Variants in CPED1 observed in about 807,000 individuals in gnomAD.
The protein encoded by CPED1 is cadherin like and PC-esterase domain containing 1.
Under a neutral mutation model 128.2 loss-of-function variants are expected in CPED1, and 114 were observed. The ratio of observed to expected loss-of-function variants is 0.89; its 90% CI spans 0.76 to 1.04. The LOEUF (loss-of-function observed/expected upper bound fraction) is 1.04. Ranked by LOEUF, CPED1 falls within the 50% of genes least tolerant of loss-of-function variation. The pLI, the probability that CPED1 is intolerant of heterozygous loss-of-function variation, is 0.00. For synonymous variants in CPED1, 462 were observed against 426.7 expected, an observed-to-expected ratio of 1.08 and a Z score of -1.02; for missense variants, 1,211 against 1,207.1, an observed-to-expected ratio of 1.00 and a Z score of -0.05.
At chr7:121,132,489 G>A (rs17283473) in intron 12 of CPED1, among the ~76,000 whole-genome samples, 65,137 of 151,896 alleles carry the variant, frequency 0.43, 15,488 homozygotes, top group East Asian at 0.84. Flanking sequence ...TAGCAACGAG[G>A]TGAGAAAGTC....
chr7:121,254,798 A>G (rs981279577), intron 18 of CPED1, among the ~76,000 whole-genome samples: 1 of 152,052 alleles, frequency 6.6e-6, no homozygotes, highest in African/African-American at 2.4e-5. Context: ...AAATTAGAAA[A>G]TCTAGAGGAA....
chr7:121,182,346 AAAG>A (rs1796917293), intron 16 of CPED1, among the ~76,000 whole-genome samples: 1 of 152,042 alleles, frequency 6.6e-6, no homozygotes, highest in Admixed American at 6.6e-5. Flanking sequence ...TAGCAAAATT[AAAG>A]AAGTTCACTT....
At chr7:121,275,796 T>C (rs1231984677) in intron 22 of CPED1, among the ~76,000 whole-genome samples, 1 of 151,958 alleles carries the variant, frequency 6.6e-6, no homozygotes, top group Non-Finnish European at 1.5e-5. Context: ...AACCCTATAA[T>C]CTTTATTATA....
chr7:121,117,351 T>C (rs1795276683), intron 7 of CPED1, among the ~76,000 whole-genome samples: 1 of 151,942 alleles, frequency 6.6e-6, no homozygotes, highest in African/African-American at 2.4e-5. Context: ...TCCACCTGCC[T>C]CGGCCTCCCA....
rs1157885862 is a variant in CPED1, at chr7:121,074,509, G to GT, written c.616+10214dup. Among the ~76,000 whole-genome samples, 702 of 80,830 alleles carry GT rather than the reference G, an allele frequency of 8.7e-3. 32 individuals are homozygous for GT. Among genetic ancestry groups the GT allele is most frequent in the African/African-American group, 0.029 (645 of 22,014 alleles). 53.0% of individuals were successfully genotyped at this position (80,830 alleles called of 152,430 possible). A position where few individuals can be genotyped will look rare whatever the true frequency, so the allele number is the denominator to read the frequency against. ...TTCCTTACTAATAAATTTCCTTTGT[G>GT]TTTTTTTTTTTTTTTTTTGAGGGCA... is the stretch of plus-strand genomic sequence containing the variant. On this transcript the variant is annotated intron_variant, in intron 5 of 22. Transcript: ENST00000310396.
chr7:121,245,363 T>C (rs1452202870), intron 18 of CPED1, among the ~76,000 whole-genome samples: 3 of 152,132 alleles, frequency 2.0e-5, no homozygotes, highest in African/African-American at 7.2e-5. Context: ...TAGGAACTTA[T>C]GTTGCAGTGT....
intron 4 of CPED1, among the ~76,000 whole-genome samples, chr7:121,047,542 C>A (rs1213524303): frequency 2.0e-5 from 3 of 151,960 alleles, no homozygotes; most frequent in Non-Finnish European, 4.4e-5. Flanking sequence ...CGAATCTGTA[C>A]GAAAAGTGAC....
intron 16 of CPED1, among the ~76,000 whole-genome samples, chr7:121,233,428 A>T (rs1041284937): frequency 6.6e-6 from 1 of 152,118 alleles, no homozygotes; most frequent in African/African-American, 2.4e-5. Flanking sequence ...ATATGCCTAC[A>T]GTCCCAGCTA....
intron 18 of CPED1, among the ~76,000 whole-genome samples, chr7:121,259,583 T>C (rs886187970): frequency 2.6e-5 from 4 of 152,070 alleles, no homozygotes; most frequent in African/African-American, 9.7e-5. Flanking sequence ...TACCTACCTC[T>C]TTATAAATGC....
At position 121,210,638 on chromosome 7, in the gene CPED1, A is replaced by G. The variant is rs1320263527; in HGVS notation, c.2056-26076A>G. ...TGAACTCATGGAGATAGAGAGTAGAATAATGGTTACCAGAGGCTGGGAAGG... is the reference window on the plus strand; with the variant it reads ...TGAACTCATGGAGATAGAGAGTAGAGTAATGGTTACCAGAGGCTGGGAAGG... On this transcript the variant is annotated intron_variant, in intron 16 of 22. Coordinates refer to ENST00000310396, the MANE Select transcript of CPED1 (RefSeq NM_024913.5). 4.6e-5 allele frequency among the ~76,000 whole-genome samples: 7 copies of G among 152,162 alleles called. No individual in the cohort carries two copies. In the East Asian group the frequency reaches 1.2e-3, roughly 25 times the overall value.
chr7:121,142,025 G>T lies in CPED1; in HGVS notation c.1939G>T (p.Val647Leu). 1 of 1,612,684 alleles carries T rather than the reference G, an allele frequency of 6.2e-7. No individual in the cohort carries two copies. Among genetic ancestry groups the T allele is most frequent in the Non-Finnish European group, 8.5e-7 (1 of 1,179,038 alleles). The change falls in exon 16 of 23, where the codon GTG (valine) becomes TTG (leucine). Residue 647 changes from valine to leucine, a missense_variant. Transcript: ENST00000310396. ...LGMNKISIFVVDESPAHGETL... is the reference protein window; with the variant it reads ...LGMNKISIFVLDESPAHGETL... ...AATGAACAAAATCTCAATATTTGTTGTGGATGAATCTCCAGCACACGGTGA... is the reference window on the plus strand; with the variant it reads ...AATGAACAAAATCTCAATATTTGTTTTGGATGAATCTCCAGCACACGGTGA...
Position 121,121,654 on chromosome 7 carries a change from A to G in CPED1, c.919-2677A>G, listed in dbSNP as rs115263877. On this transcript the variant is annotated intron_variant, in intron 7 of 22. Coordinates refer to ENST00000310396, the MANE Select transcript of CPED1 (RefSeq NM_024913.5). ...GGAAGTGTTGATAAGGAGAGGAAGA[A>G]GTCTCCTTAATATTTGAGTTAATGG... 9.5e-3 allele frequency among the ~76,000 whole-genome samples: 1,453 copies of G among 152,340 alleles called. 23 individuals are homozygous for G. The highest frequency in any genetic ancestry group is 0.033 in the African/African-American group (1,356 of 41,576).
chr7:121,111,337 C>A (rs1185555797), intron 7 of CPED1, among the ~76,000 whole-genome samples: 1 of 152,190 alleles, frequency 6.6e-6, no homozygotes, highest in Non-Finnish European at 1.5e-5. Flanking sequence ...CCTACCACTT[C>A]TAAATGAATA....
At chr7:121,278,663 A>T (rs117555994) in intron 22 of CPED1, among the ~76,000 whole-genome samples, 8,635 of 152,278 alleles carry the variant, frequency 0.057, 358 homozygotes, top group Non-Finnish European at 0.074. Context: ...ATTAGAGATC[A>T]GTGCCCAGTG....
intron 16 of CPED1, among the ~76,000 whole-genome samples, chr7:121,193,127 C>T (rs115173389): frequency 8.5e-5 from 13 of 152,262 alleles, no homozygotes; most frequent in Non-Finnish European, 1.5e-4. Context: ...GACTGAAATA[C>T]GCAGAGACAT....
In CPED1 at chr7:121,296,219, G is replaced by A. The variant is rs1178486166; in HGVS notation, c.*567G>A. On this transcript the variant is annotated 3_prime_UTR_variant, in exon 23 of 23. Coordinates refer to ENST00000310396, the MANE Select transcript of CPED1 (RefSeq NM_024913.5). ...TTTATTACTGAAAGGAAAAGAACAG[G>A]AATGTTCCACAAGGGAATTTGAAGA... 1 of 152,406 alleles carries A rather than the reference G, an allele frequency of 6.6e-6. No individual in the cohort carries two copies. The highest frequency in any genetic ancestry group is 1.5e-5 in the Non-Finnish European group (1 of 68,038). 9.4% of individuals were successfully genotyped at this position (152,406 alleles called of 1,614,324 possible).
intron 2 of CPED1, among the ~76,000 whole-genome samples, chr7:121,005,371 A>C (rs1791980429): frequency 6.6e-6 from 1 of 152,266 alleles, no homozygotes; most frequent in African/African-American, 2.4e-5. Context: ...GCTATTGTGA[A>C]CAGTGCTGCA....
chr7:121,006,096 G>A (rs1375619700), intron 2 of CPED1, among the ~76,000 whole-genome samples: 1 of 152,120 alleles, frequency 6.6e-6, no homozygotes, highest in Non-Finnish European at 1.5e-5. Context: ...TGATATTGTT[G>A]TTGTAATTGC....
chr7:121,221,179 G>T (rs1797868130), intron 16 of CPED1, among the ~76,000 whole-genome samples: 1 of 152,016 alleles, frequency 6.6e-6, no homozygotes, highest in Non-Finnish European at 1.5e-5. Flanking sequence ...TGTTCTCATT[G>T]TTCAATTCCC....
Sources: gnomAD v4.1 joint callset for allele counts (sites outside exome capture counted in the v4.1 genomes callset) on GRCh38, gnomAD v4.1.1 for gene constraint, MANE v1.5 for transcripts, NCBI Gene and HGNC (gene_info 2026-07-23, HGNC 2026-07-21) for gene names.